Variants in SAMMSON observed in about 807,000 individuals in gnomAD.
SAMMSON encodes the protein survival associated mitochondrial melanoma specific oncogenic non-coding RNA, also known as long intergenic non-protein coding RNA 1212.
intron 4 of SAMMSON, among the ~76,000 whole-genome samples, chr3:70,219,830 C>G (rs1576159733): frequency 6.6e-6 from 1 of 152,174 alleles, no homozygotes; most frequent in Admixed American, 6.5e-5. Flanking sequence ...ATGCCAAACT[C>G]AAAGGTCAGA....
chr3:70,293,045 C>CAAAA (rs55990203), intron 7 of SAMMSON, among the ~76,000 whole-genome samples: 10 of 74,772 alleles, frequency 1.3e-4, no homozygotes, highest in Non-Finnish European at 1.8e-4. Flanking sequence ...TGGTTTGAAG[C>CAAAA]AAAAAAAAAA....
intron 2 of SAMMSON, among the ~76,000 whole-genome samples, chr3:70,406,248 T>G (rs749979728): frequency 7.9e-5 from 12 of 152,162 alleles, no homozygotes; most frequent in Non-Finnish European, 1.6e-4. Flanking sequence ...CAGAAATAAT[T>G]CTAACCAGAA....
At chr3:70,326,407 T>C (rs1559564400) in intron 7 of SAMMSON, among the ~76,000 whole-genome samples, 2 of 152,216 alleles carry the variant, frequency 1.3e-5, no homozygotes. Flanking sequence ...TAGGAGTAAA[T>C]GAATACTAAA....
chr3:70,236,658 C>T (rs1701612254), intron 4 of SAMMSON, among the ~76,000 whole-genome samples: 1 of 152,082 alleles, frequency 6.6e-6, no homozygotes, highest in Non-Finnish European at 1.5e-5. Flanking sequence ...TGCAGCGGCA[C>T]AATCATGGCT....
chr3:70,098,250 T>G (rs185319531), intron 4 of SAMMSON, among the ~76,000 whole-genome samples: 1 of 152,326 alleles, frequency 6.6e-6, no homozygotes, highest in Non-Finnish European at 1.5e-5. Context: ...GTGTGTCGTT[T>G]CATCAATGGC....
chr3:70,125,106 T>C, intron 4 of SAMMSON: 1 of 1,167,706 alleles, frequency 8.6e-7, no homozygotes, highest in Non-Finnish European at 1.3e-6. Flanking sequence ...GGTTTTTGTC[T>C]AGCAGATCGA....
At chr3:70,384,716 T>A (rs1021716173) in intron 9 of SAMMSON, among the ~76,000 whole-genome samples, 2 of 152,114 alleles carry the variant, frequency 1.3e-5, no homozygotes, top group Non-Finnish European at 2.9e-5. Flanking sequence ...TCTGTCAGAA[T>A]AAATAACAAG....
chr3:70,237,529 T>C (rs903327869), intron 4 of SAMMSON, among the ~76,000 whole-genome samples: 5 of 152,234 alleles, frequency 3.3e-5, no homozygotes, highest in African/African-American at 1.2e-4. Context: ...TATGCTAAAA[T>C]TGATGTCTTA....
At chr3:70,000,408 CTA>C (rs2066901443) in intron 1 of SAMMSON, among the ~76,000 whole-genome samples, 1 of 152,166 alleles carries the variant, frequency 6.6e-6, no homozygotes, top group African/African-American at 2.4e-5. Flanking sequence ...ACTTATAGAA[CTA>C]TAATATAATG....
At chr3:70,196,028 G>T (rs968802795) in intron 4 of SAMMSON, among the ~76,000 whole-genome samples, 1 of 152,086 alleles carries the variant, frequency 6.6e-6, no homozygotes, top group Admixed American at 6.6e-5. Context: ...TACCCTCAAC[G>T]CTTATTTCTT....
At chr3:70,022,426 CAAAA>C (rs60455629) in intron 3 of SAMMSON, among the ~76,000 whole-genome samples, 2,756 of 91,214 alleles carry the variant, frequency 0.03, 18 homozygotes, top group Middle Eastern at 0.071. Flanking sequence ...AGTATAATAA[CAAAA>C]AAAAAAAAAA....
chr3:70,160,208 A>G (rs2067609418), intron 4 of SAMMSON, among the ~76,000 whole-genome samples: 1 of 151,816 alleles, frequency 6.6e-6, no homozygotes, highest in Non-Finnish European at 1.5e-5. Flanking sequence ...TTATATCAAA[A>G]AAAAAAACCT....
intron 6 of SAMMSON, among the ~76,000 whole-genome samples, chr3:70,283,170 G>GTAGT (rs1257069559): frequency 6.6e-6 from 1 of 152,108 alleles, no homozygotes; most frequent in Non-Finnish European, 1.5e-5. Context: ...GTGAGCATAA[G>GTAGT]CAGTCCTGTG....
At chr3:70,013,043 C>G (rs1435145967) in intron 2 of SAMMSON, among the ~76,000 whole-genome samples, 2 of 152,106 alleles carry the variant, frequency 1.3e-5, no homozygotes, top group Non-Finnish European at 2.9e-5. Context: ...TCATTTTAAG[C>G]AAGTCAGTTA....
chr3:70,009,766 G>A (rs1419654572), intron 1 of SAMMSON, among the ~76,000 whole-genome samples: 2 of 150,404 alleles, frequency 1.3e-5, no homozygotes, highest in African/African-American at 5.0e-5. Context: ...GCTTTCTTTT[G>A]TGGGCATTTA....
At chr3:70,324,442 C>T (rs770987495) in intron 7 of SAMMSON, among the ~76,000 whole-genome samples, 1 of 120,932 alleles carries the variant, frequency 8.3e-6, no homozygotes, top group Non-Finnish European at 1.8e-5. Context: ...AGAAATTTAA[C>T]TCCGTGGTCA....
At chr3:70,187,088 C>T (rs1286472236) in intron 4 of SAMMSON, among the ~76,000 whole-genome samples, 1 of 152,168 alleles carries the variant, frequency 6.6e-6, no homozygotes, top group East Asian at 1.9e-4. Flanking sequence ...GGCACTGTGG[C>T]TCCTGAACCC....
intron 7 of SAMMSON, among the ~76,000 whole-genome samples, chr3:70,324,410 T>C (rs1702563711): frequency 6.6e-6 from 1 of 152,024 alleles, no homozygotes; most frequent in African/African-American, 2.4e-5. Context: ...TAATTTCTTG[T>C]TTGTCATTCT....
At chr3:70,123,183 C>G (rs575303552) in intron 4 of SAMMSON, among the ~76,000 whole-genome samples, 1 of 152,298 alleles carries the variant, frequency 6.6e-6, no homozygotes, top group African/African-American at 2.4e-5. Context: ...CTACCAAGTT[C>G]AAAGATTCTA....
Sources: allele counts gnomAD v4.1 joint callset (sites outside exome capture counted in the v4.1 genomes callset), GRCh38; gene constraint gnomAD v4.1.1; transcripts MANE v1.5; gene names NCBI Gene and HGNC (gene_info 2026-07-23, HGNC 2026-07-21).